SHISA9: variants seen among roughly 807,000 people sequenced by gnomAD.
The protein encoded by SHISA9 is protein shisa-9.
A neutral mutation model predicts 38.0 loss-of-function variants in SHISA9; 13 were observed. The ratio of observed to expected loss-of-function variants is 0.34; its 90% CI spans 0.22 to 0.54. The LOEUF (loss-of-function observed/expected upper bound fraction) is 0.54. Ranked by LOEUF, SHISA9 falls within the 20% of genes least tolerant of loss-of-function variation. SHISA9 has a pLI of 0.91. For synonymous variants in SHISA9, 275 were observed against 242.0 expected, an observed-to-expected ratio of 1.14 and a Z score of -1.27; for missense variants, 538 against 575.8, an observed-to-expected ratio of 0.93 and a Z score of 0.67.
At chr16:13,462,759 C>T in the SHISA9 span, among the ~76,000 whole-genome samples, 12 of 151,934 alleles carry the variant, frequency 7.9e-5, no homozygotes, top group South Asian at 2.1e-3. Flanking sequence ...GTCAGAAGTT[C>T]GAGACCAGCC....
chr16:13,252,534 GC>G, the SHISA9 span, among the ~76,000 whole-genome samples: 1 of 152,098 alleles, frequency 6.6e-6, no homozygotes, highest in Non-Finnish European at 1.5e-5. Flanking sequence ...TCCTCCCCTG[GC>G]TCACCCCACA....
chr16:12,953,208 T>TCAACAACAA (rs71393724), intron 2 of SHISA9, among the ~76,000 whole-genome samples: 18 of 148,592 alleles, frequency 1.2e-4, no homozygotes, highest in Admixed American at 2.7e-4. Flanking sequence ...AAAAAACCCC[T>TCAACAACAA]CAACAACAAC....
intron 2 of SHISA9, among the ~76,000 whole-genome samples, chr16:13,133,064 G>A (rs1214753944): frequency 6.6e-6 from 1 of 152,148 alleles, no homozygotes; most frequent in African/African-American, 2.4e-5. Flanking sequence ...AAAGCAAAGA[G>A]GAATGAGATA....
At chr16:13,543,662 C>T in the SHISA9 span, among the ~76,000 whole-genome samples, 5 of 152,182 alleles carry the variant, frequency 3.3e-5, no homozygotes, top group African/African-American at 9.6e-5. Context: ...ACACCAGGGC[C>T]GCAGAAGCCC....
chr16:13,015,884 T>C (rs145375249), intron 2 of SHISA9, among the ~76,000 whole-genome samples: 9 of 113,680 alleles, frequency 7.9e-5, no homozygotes, highest in East Asian at 2.2e-4. Context: ...CTTTCTTTCT[T>C]TCTTTCTTTC....
At chr16:12,950,111 C>T (rs992165462) in intron 2 of SHISA9, among the ~76,000 whole-genome samples, 6 of 152,182 alleles carry the variant, frequency 3.9e-5, no homozygotes, top group African/African-American at 1.2e-4. Flanking sequence ...CAGGTGAGAA[C>T]GTGCAATAAT....
chr16:13,068,686 C>G (rs1441252727), intron 2 of SHISA9, among the ~76,000 whole-genome samples: 1 of 152,216 alleles, frequency 6.6e-6, no homozygotes, highest in Non-Finnish European at 1.5e-5. Context: ...CTAGCATCCC[C>G]TGCAACCTGT....
At chr16:13,253,452 T>C in the SHISA9 span, among the ~76,000 whole-genome samples, 1 of 152,188 alleles carries the variant, frequency 6.6e-6, no homozygotes, top group Non-Finnish European at 1.5e-5. Context: ...CTGGGTAATT[T>C]ATATAAGAAG....
At chr16:13,381,218 G>T in the SHISA9 span, among the ~76,000 whole-genome samples, 2 of 152,130 alleles carry the variant, frequency 1.3e-5, no homozygotes, top group Admixed American at 1.3e-4. Context: ...AGTAGGCCTA[G>T]AGGGCAACTA....
At chr16:13,119,720 C>A (rs1297054529) in intron 2 of SHISA9, among the ~76,000 whole-genome samples, 1 of 152,178 alleles carries the variant, frequency 6.6e-6, no homozygotes, top group Non-Finnish European at 1.5e-5. Context: ...TATCTGATTT[C>A]TTCCCCTAAT....
chr16:13,253,629 C>T, the SHISA9 span, among the ~76,000 whole-genome samples: 1 of 152,074 alleles, frequency 6.6e-6, no homozygotes, highest in Non-Finnish European at 1.5e-5. Context: ...TTCACTATGG[C>T]AAAAACAGTA....
intron 2 of SHISA9, among the ~76,000 whole-genome samples, chr16:13,021,720 T>G (rs2072856662): frequency 6.6e-6 from 1 of 152,222 alleles, no homozygotes; most frequent in Admixed American, 6.5e-5. Context: ...CTAGGTATAT[T>G]GGATGTCCCC....
intron 2 of SHISA9, among the ~76,000 whole-genome samples, chr16:13,141,641 C>A (rs1323436720): frequency 6.6e-6 from 1 of 151,940 alleles, no homozygotes; most frequent in Non-Finnish European, 1.5e-5. Context: ...TGAGATCACG[C>A]CACTATACTC....
intron 2 of SHISA9, among the ~76,000 whole-genome samples, chr16:12,978,758 A>G (rs2072200282): frequency 6.6e-6 from 1 of 152,172 alleles, no homozygotes; most frequent in Admixed American, 6.6e-5. Flanking sequence ...TTTTCTTCCC[A>G]TTGCAATGTA....
the SHISA9 span, among the ~76,000 whole-genome samples, chr16:13,471,369 G>A: frequency 6.6e-6 from 1 of 152,140 alleles, no homozygotes; most frequent in African/African-American, 2.4e-5. Context: ...CAAACTTGCA[G>A]TCTATGTCCA....
the SHISA9 span, among the ~76,000 whole-genome samples, chr16:13,384,506 C>G: frequency 2.6e-5 from 4 of 152,096 alleles, no homozygotes; most frequent in African/African-American, 7.2e-5. Flanking sequence ...TTTCCAATAC[C>G]ACTGTGGATA....
chr16:13,423,932 T>C, the SHISA9 span, among the ~76,000 whole-genome samples: 1 of 152,242 alleles, frequency 6.6e-6, no homozygotes, highest in African/African-American at 2.4e-5. Flanking sequence ...TGAGTTCTCT[T>C]CATTCTTCTA....
the SHISA9 span, among the ~76,000 whole-genome samples, chr16:13,426,221 C>T: frequency 2.0e-5 from 3 of 152,094 alleles, no homozygotes; most frequent in African/African-American, 7.2e-5. Context: ...AGGATCCTTG[C>T]GAAGTGTTTT....
At chr16:12,912,827 C>G (rs933295798) in intron 1 of SHISA9, among the ~76,000 whole-genome samples, 1 of 152,142 alleles carries the variant, frequency 6.6e-6, no homozygotes, top group African/African-American at 2.4e-5. Flanking sequence ...GTCACGTGCC[C>G]CTGCTCGTTG....
Sources: allele counts gnomAD v4.1 joint callset (sites outside exome capture counted in the v4.1 genomes callset), GRCh38; gene constraint gnomAD v4.1.1; transcripts MANE v1.5; gene names NCBI Gene and HGNC (gene_info 2026-07-23, HGNC 2026-07-21).